Variants in RNF180 observed in about 807,000 individuals in gnomAD.
The protein encoded by RNF180 is ring finger protein 180.
In RNF180, 38 loss-of-function variants were observed where a neutral mutation model predicts 59.2. The ratio of observed to expected loss-of-function variants is 0.64; its 90% CI spans 0.50 to 0.84. RNF180 has a LOEUF of 0.84. RNF180 is among the 40% of genes least tolerant of loss of function. RNF180 has a pLI of 0.00. For missense variants in RNF180, 705 were observed against 700.9 expected, an observed-to-expected ratio of 1.01 and a Z score of -0.07; for synonymous variants, 262 against 240.3, an observed-to-expected ratio of 1.09 and a Z score of -0.84.
At chr5:64,305,525 T>C (rs1190329958) in intron 5 of RNF180, among the ~76,000 whole-genome samples, 2 of 151,556 alleles carry the variant, frequency 1.3e-5, no homozygotes, top group Non-Finnish European at 3.0e-5. Context: ...GCCAGTTTAC[T>C]ACAGGTGACA....
intron 5 of RNF180, among the ~76,000 whole-genome samples, chr5:64,271,623 A>G (rs1741404389): frequency 6.6e-6 from 1 of 152,064 alleles, no homozygotes; most frequent in Middle Eastern, 3.2e-3. Context: ...AACATATTCC[A>G]TGGTTCTGAG....
At chr5:64,332,671 A>T (rs1490092483) in intron 7 of RNF180, among the ~76,000 whole-genome samples, 7 of 152,248 alleles carry the variant, frequency 4.6e-5, no homozygotes, top group African/African-American at 1.4e-4. Flanking sequence ...GGAATTTGTT[A>T]CTATATGAAC....
intron 5 of RNF180, among the ~76,000 whole-genome samples, chr5:64,316,569 A>AT (rs1249500198): frequency 6.6e-6 from 1 of 152,210 alleles, no homozygotes; most frequent in Non-Finnish European, 1.5e-5. Flanking sequence ...AGGTAGTGAC[A>AT]TTTTTGTGAA....
At chr5:64,239,585 A>G (rs1334581306) in intron 5 of RNF180, among the ~76,000 whole-genome samples, 2 of 152,148 alleles carry the variant, frequency 1.3e-5, no homozygotes, top group Non-Finnish European at 2.9e-5. Flanking sequence ...TGTATTGATT[A>G]TGGCATTTTA....
chr5:64,184,903 A>G (rs192202759), intron 1 of RNF180, among the ~76,000 whole-genome samples: 88 of 152,338 alleles, frequency 5.8e-4, no homozygotes, highest in African/African-American at 2.1e-3. Flanking sequence ...GTCCATGCTC[A>G]CAACCTTGTA....
At chr5:64,219,880 G>T (rs1752823745) in intron 5 of RNF180, among the ~76,000 whole-genome samples, 1 of 152,166 alleles carries the variant, frequency 6.6e-6, no homozygotes, top group South Asian at 2.1e-4. Flanking sequence ...TGAGCCTGGA[G>T]ATGTGTTTGT....
chr5:64,185,031 G>T (rs1750803332), intron 1 of RNF180, among the ~76,000 whole-genome samples: 1 of 152,036 alleles, frequency 6.6e-6, no homozygotes, highest in Admixed American at 6.6e-5. Context: ...TGTTTCACTG[G>T]CACCCTTTCC....
chr5:64,233,209 AC>A (rs768112405), intron 5 of RNF180, among the ~76,000 whole-genome samples: 1 of 152,244 alleles, frequency 6.6e-6, no homozygotes, highest in East Asian at 1.9e-4. Flanking sequence ...AGAAATGTTT[AC>A]AAAATGTTGA....
At chr5:64,344,569 T>C (rs928396735) in intron 7 of RNF180, among the ~76,000 whole-genome samples, 8 of 152,134 alleles carry the variant, frequency 5.3e-5, no homozygotes, top group Non-Finnish European at 8.8e-5. Context: ...ATCCTTCACC[T>C]GTGAAAAATA....
chr5:64,216,927 A>G (rs929794293), intron 4 of RNF180, among the ~76,000 whole-genome samples: 1 of 152,212 alleles, frequency 6.6e-6, no homozygotes, highest in Admixed American at 6.5e-5. Context: ...AATGACCAAC[A>G]CAATGGACAT....
intron 1 of RNF180, among the ~76,000 whole-genome samples, chr5:64,179,807 T>C (rs1345697744): frequency 6.6e-6 from 1 of 152,192 alleles, no homozygotes; most frequent in Non-Finnish European, 1.5e-5. Flanking sequence ...TATCAGACAT[T>C]ATCAAATTGC....
At chr5:64,166,993 A>G (rs1749678890) in intron 1 of RNF180, among the ~76,000 whole-genome samples, 1 of 152,238 alleles carries the variant, frequency 6.6e-6, no homozygotes, top group Non-Finnish European at 1.5e-5. Context: ...TACCCCTAAA[A>G]GTGATACTTG....
chr5:64,176,863 G>GA (rs1452270340), intron 1 of RNF180, among the ~76,000 whole-genome samples: 1 of 152,100 alleles, frequency 6.6e-6, no homozygotes, highest in Non-Finnish European at 1.5e-5. Flanking sequence ...GAAACCTGTT[G>GA]AAAAAATGTA....
chr5:64,168,238 T>A (rs1749752805), intron 1 of RNF180, among the ~76,000 whole-genome samples: 1 of 152,238 alleles, frequency 6.6e-6, no homozygotes, highest in Non-Finnish European at 1.5e-5. Flanking sequence ...TTTGCTAAAT[T>A]TGGCAGAATG....
chr5:64,362,179 A>G (rs555871588), intron 7 of RNF180, among the ~76,000 whole-genome samples: 1 of 151,660 alleles, frequency 6.6e-6, no homozygotes, highest in Admixed American at 6.6e-5. Flanking sequence ...AGATTATTTC[A>G]TCACTGAGGT....
rs1494637 is a variant in RNF180, at chr5:64,212,044, T to A, written c.136-21T>A. On this transcript the variant is annotated intron_variant, in intron 2 of 7. Coordinates refer to ENST00000389100, the MANE Select transcript of RNF180 (RefSeq NM_001113561.2). ...AATTCTGAACTGGTAATTAGTAATATCATTTATTTTTATTTAACAGGATAA... is the reference window on the plus strand; with the variant it reads ...AATTCTGAACTGGTAATTAGTAATAACATTTATTTTTATTTAACAGGATAA... 0.012 allele frequency: 15,544 copies of A among 1,315,680 alleles called. 992 individuals are homozygous for A. In the African/African-American group the frequency reaches 0.16, roughly 13 times the overall value. 81.5% of individuals were successfully genotyped at this position (1,315,680 alleles called of 1,614,324 possible). A position where few individuals can be genotyped will look rare whatever the true frequency, so the allele number is the denominator to read the frequency against.
chr5:64,284,718 T>C (rs1742191403), intron 5 of RNF180, among the ~76,000 whole-genome samples: 1 of 152,220 alleles, frequency 6.6e-6, no homozygotes, highest in Admixed American at 6.5e-5. Flanking sequence ...ATTTCATCTT[T>C]ACTATTTTAT....
At chr5:64,341,847 T>C (rs183983019) in intron 7 of RNF180, among the ~76,000 whole-genome samples, 29 of 152,248 alleles carry the variant, frequency 1.9e-4, no homozygotes, top group Non-Finnish European at 3.8e-4. Context: ...TGATCAAAAA[T>C]GTTATGAAAA....
intron 5 of RNF180, among the ~76,000 whole-genome samples, chr5:64,275,475 A>G (rs990583358): frequency 2.0e-5 from 3 of 151,426 alleles, no homozygotes; most frequent in Admixed American, 2.0e-4. Context: ...AGGAAAGGAA[A>G]TAATTTAAGA....
Sources: gnomAD v4.1 joint callset for allele counts (sites outside exome capture counted in the v4.1 genomes callset) on GRCh38, gnomAD v4.1.1 for gene constraint, MANE v1.5 for transcripts, NCBI Gene and HGNC (gene_info 2026-07-23, HGNC 2026-07-21) for gene names.